The following PARD3B variants were observed in gnomAD, a reference collection of about 807,000 sequenced individuals.
PARD3B encodes the protein par-3 family cell polarity regulator beta.
Under a neutral mutation model 130.2 loss-of-function variants are expected in PARD3B, and 103 were observed. That is an observed-to-expected ratio of 0.79 (90% CI 0.67 to 0.93). The LOEUF is 0.93. PARD3B is among the 40% of genes least tolerant of loss of function. The probability of loss-of-function intolerance (pLI) is 0.00; values close to 1 mark genes in which losing one functional copy is unlikely to be tolerated. For missense variants in PARD3B, 1,609 were observed against 1,499.2 expected (o/e 1.07, Z -1.21); for synonymous variants, 583 against 553.2 (o/e 1.05, Z -0.76).
At chr2:205,181,357 T>C (rs2035777360) in intron 13 of PARD3B, among the ~76,000 whole-genome samples, 1 of 152,382 alleles carries the variant, frequency 6.6e-6, no homozygotes, top group Admixed American at 6.5e-5. Flanking sequence ...ATTTGGCTAA[T>C]GTTTATTGGA....
At chr2:204,933,749 C>T (rs1487894982) in intron 2 of PARD3B, among the ~76,000 whole-genome samples, 1 of 152,122 alleles carries the variant, frequency 6.6e-6, no homozygotes, top group Non-Finnish European at 1.5e-5. Flanking sequence ...GGATCTCTTG[C>T]CTCTGTTCAG....
intron 1 of PARD3B, among the ~76,000 whole-genome samples, chr2:204,594,039 C>CTGTT: frequency 6.6e-6 from 1 of 152,202 alleles, no homozygotes; most frequent in South Asian, 2.1e-4. Flanking sequence ...TCCATCAACA[C>CTGTT]TCGGTCCCTG....
chr2:205,046,564 A>G (rs965635000), intron 3 of PARD3B, among the ~76,000 whole-genome samples: 2 of 152,064 alleles, frequency 1.3e-5, no homozygotes, highest in Admixed American at 6.6e-5. Flanking sequence ...TGTACAAACT[A>G]AGAATGTTAA....
In PARD3B at chr2:204,699,781, A is replaced by G. The variant is rs538974159; in HGVS notation, c.222+13499A>G. Among the ~76,000 whole-genome samples, 70 of 152,120 alleles carry G rather than the reference A, an allele frequency of 4.6e-4. 1 individual carries two copies. Among genetic ancestry groups the G allele is most frequent in the African/African-American group, 1.6e-3 (65 of 41,406 alleles). ...TCCCAAATGGAAACTTATTTCCCAA[A>G]TGGAAATAAGGAAGTTAAGTAGTTA... On this transcript the variant is annotated intron_variant, in intron 2 of 22. Transcript: ENST00000406610.
chr2:205,289,290 G>A (rs994408210), intron 16 of PARD3B, among the ~76,000 whole-genome samples: 1 of 152,076 alleles, frequency 6.6e-6, no homozygotes, highest in Non-Finnish European at 1.5e-5. Flanking sequence ...GTATGAATAG[G>A]GAAGCAGAAA....
intron 15 of PARD3B, among the ~76,000 whole-genome samples, chr2:205,235,551 G>A (rs984574436): frequency 6.6e-6 from 1 of 152,096 alleles, no homozygotes; most frequent in Non-Finnish European, 1.5e-5. Flanking sequence ...GTAGAGGATA[G>A]TACTATACAC....
intron 15 of PARD3B, among the ~76,000 whole-genome samples, chr2:205,224,393 GAAAGAAAGAA>G (rs2038423544): frequency 1.2e-5 from 1 of 81,220 alleles, no homozygotes; most frequent in Non-Finnish European, 2.5e-5. Flanking sequence ...AAAAAAGAAA[GAAAGAAAGAA>G]AAAGAAAAAG....
At chr2:205,537,167 G>T (rs1205905217) in intron 21 of PARD3B, among the ~76,000 whole-genome samples, 2 of 152,104 alleles carry the variant, frequency 1.3e-5, no homozygotes, top group Non-Finnish European at 2.9e-5. Flanking sequence ...GCCCACTAAA[G>T]CAATGCAAAA....
intron 3 of PARD3B, among the ~76,000 whole-genome samples, chr2:205,026,774 T>C (rs1347702024): frequency 3.9e-5 from 6 of 152,066 alleles, no homozygotes; most frequent in Non-Finnish European, 8.8e-5. Context: ...TGAGATGAGA[T>C]ACTCTTTGTC....
rs942120600 is a variant in PARD3B, at chr2:205,581,439, A to G, written c.3260+28036A>G. 6.2e-5 allele frequency among the ~76,000 whole-genome samples: 9 copies of G among 145,006 alleles called. No individual in the cohort carries two copies. The East Asian group carries it at 1.8e-3, about 28-fold the overall frequency. ...TATAAATATATAAATATATATAAAT[A>G]TATATAAATATATATGACAGGATCT... On this transcript the variant is annotated intron_variant, in intron 22 of 22. Transcript: ENST00000406610.
At chr2:205,213,965 T>C (rs1239778376) in intron 15 of PARD3B, among the ~76,000 whole-genome samples, 1 of 152,140 alleles carries the variant, frequency 6.6e-6, no homozygotes, top group Non-Finnish European at 1.5e-5. Flanking sequence ...TCATGTGAAT[T>C]CACTTGCACC....
intron 11 of PARD3B, among the ~76,000 whole-genome samples, chr2:205,170,702 G>A (rs980819222): frequency 5.9e-5 from 9 of 152,012 alleles, no homozygotes; most frequent in Non-Finnish European, 1.0e-4. Flanking sequence ...CGAGTTTAAC[G>A]ACCCGTCTGC....
At chr2:204,780,415 GA>G (rs2041794371) in intron 2 of PARD3B, among the ~76,000 whole-genome samples, 1 of 152,120 alleles carries the variant, frequency 6.6e-6, no homozygotes, top group African/African-American at 2.4e-5. Flanking sequence ...CATCTAGAAA[GA>G]AAGGAAAGCC....
At chr2:205,192,301 T>A (rs936186600) in intron 14 of PARD3B, among the ~76,000 whole-genome samples, 1 of 152,154 alleles carries the variant, frequency 6.6e-6, no homozygotes, top group African/African-American at 2.4e-5. Flanking sequence ...CCAACATCAA[T>A]ACTTTAGATT....
chr2:205,081,312 T>G (rs1392355764), intron 4 of PARD3B, among the ~76,000 whole-genome samples: 1 of 152,098 alleles, frequency 6.6e-6, no homozygotes, highest in Non-Finnish European at 1.5e-5. Context: ...AATCTAGAGT[T>G]ACATTTGTGT....
intron 18 of PARD3B, among the ~76,000 whole-genome samples, chr2:205,338,994 C>T (rs1336396168): frequency 6.6e-6 from 1 of 152,106 alleles, no homozygotes; most frequent in Non-Finnish European, 1.5e-5. Flanking sequence ...GTATACTACC[C>T]TGGATAGGCA....
At chr2:205,343,409 C>T (rs1004554688) in intron 18 of PARD3B, among the ~76,000 whole-genome samples, 1 of 152,178 alleles carries the variant, frequency 6.6e-6, no homozygotes, top group African/African-American at 2.4e-5. Flanking sequence ...ACTTCATGGT[C>T]CTGATGTGAT....
intron 3 of PARD3B, among the ~76,000 whole-genome samples, chr2:204,970,592 A>G (rs926369273): frequency 2.0e-5 from 3 of 152,170 alleles, no homozygotes; most frequent in African/African-American, 7.2e-5. Flanking sequence ...TATGGCCCCA[A>G]TTAATTAGTA....
rs2052552560 is a variant in PARD3B at position 205,550,111 on chromosome 2, A to G, written c.3181-3213A>G. ...GACACAGTGCTTTCGATATGCCTCC[A>G]TGGTTTTTCACTTTTGTGCTCTTTA... is the stretch of plus-strand genomic sequence containing the variant. On this transcript the variant is annotated intron_variant, in intron 21 of 22. Coordinates refer to ENST00000406610, the MANE Select transcript of PARD3B (RefSeq NM_001302769.2). The surrounding 1 kb of genome is among the most constrained non-coding windows in gnomAD (Gnocchi z 4.5). Among the ~76,000 whole-genome samples, 1 of 152,118 alleles carries G rather than the reference A, an allele frequency of 6.6e-6. No homozygotes were observed. The highest frequency in any genetic ancestry group is 2.1e-4 in the South Asian group (1 of 4,824).
Sources: gnomAD v4.1 joint callset for allele counts (sites outside exome capture counted in the v4.1 genomes callset) on GRCh38, gnomAD v4.1.1 for gene constraint, Gnocchi (gnomAD v3.1) non-coding constraint, MANE v1.5 for transcripts, NCBI Gene and HGNC (gene_info 2026-07-23, HGNC 2026-07-21) for gene names.